TMEM132D: variants seen among roughly 807,000 people sequenced by gnomAD.
TMEM132D encodes mature OL transmembrane protein.
TMEM132D carries 21 observed loss-of-function variants against 62.3 expected under a neutral mutation model. The observed-to-expected ratio is 0.34, with a 90% CI of 0.24 to 0.49. The LOEUF (loss-of-function observed/expected upper bound fraction) is 0.49. TMEM132D is among the 20% of genes least tolerant of loss of function. The pLI, the probability that TMEM132D is intolerant of heterozygous loss-of-function variation, is 0.99. For missense variants in TMEM132D, 1,346 were observed against 1,402.8 expected, an observed-to-expected ratio of 0.96 and a Z score of 0.65; for synonymous variants, 621 against 575.6, an observed-to-expected ratio of 1.08 and a Z score of -1.13.
In TMEM132D at chr12:129,315,538, C is replaced by T. The variant is rs538235169; in HGVS notation, c.1299+22096G>A. Among the ~76,000 whole-genome samples, 8 of 152,218 alleles carry T rather than the reference C, an allele frequency of 5.3e-5. No homozygotes were observed. In the South Asian group the frequency reaches 1.2e-3, roughly 24 times the overall value. ...TATCTTTTCGATATGTTTTTGGATACGGTTAACTAGTATTTTGTTAAGGAT... is the reference window on the plus strand; with the variant it reads ...TATCTTTTCGATATGTTTTTGGATATGGTTAACTAGTATTTTGTTAAGGAT... On this transcript the variant is annotated intron_variant, in intron 4 of 8. Coordinates refer to ENST00000422113, the MANE Select transcript of TMEM132D (RefSeq NM_133448.3).
intron 5 of TMEM132D, among the ~76,000 whole-genome samples, chr12:129,158,792 A>C (rs1272587259): frequency 6.6e-6 from 1 of 152,220 alleles, no homozygotes; most frequent in Non-Finnish European, 1.5e-5. Context: ...ACTGCCTGAC[A>C]CTGGGTAATT....
At chr12:129,104,273 C>T (rs1239775460) in intron 5 of TMEM132D, among the ~76,000 whole-genome samples, 5 of 151,446 alleles carry the variant, frequency 3.3e-5, no homozygotes, top group Admixed American at 6.6e-5. Context: ...ACAAACCTGA[C>T]AAAAACAAGC....
chr12:129,399,906 T>C (rs1871568613), intron 3 of TMEM132D, among the ~76,000 whole-genome samples: 2 of 151,926 alleles, frequency 1.3e-5, no homozygotes, highest in Admixed American at 1.3e-4. Context: ...GGGGGGTATA[T>C]ACATTTTTCA....
intron 3 of TMEM132D, among the ~76,000 whole-genome samples, chr12:129,350,559 G>T (rs1869830986): frequency 1.3e-5 from 2 of 152,178 alleles, no homozygotes; most frequent in Admixed American, 1.3e-4. Context: ...TAAATACATG[G>T]ATTTGTATTC....
chr12:129,570,111 A>G (rs1429660573), intron 2 of TMEM132D, among the ~76,000 whole-genome samples: 1 of 152,204 alleles, frequency 6.6e-6, no homozygotes, highest in African/African-American at 2.4e-5. Flanking sequence ...GGTACGATAC[A>G]AGAGTCTGGA....
intron 4 of TMEM132D, among the ~76,000 whole-genome samples, chr12:129,300,398 T>A (rs1400150978): frequency 6.6e-6 from 1 of 152,214 alleles, no homozygotes; most frequent in Non-Finnish European, 1.5e-5. Context: ...GATGAAGAAA[T>A]GTGACGATGA....
intron 2 of TMEM132D, among the ~76,000 whole-genome samples, chr12:129,666,475 G>C (rs1880381994): frequency 6.6e-6 from 1 of 152,154 alleles, no homozygotes; most frequent in Non-Finnish European, 1.5e-5. Flanking sequence ...AAGATTATTG[G>C]TAAAATAAAA....
At chr12:129,548,481 C>G (rs1186764189) in intron 2 of TMEM132D, among the ~76,000 whole-genome samples, 3 of 152,244 alleles carry the variant, frequency 2.0e-5, no homozygotes, top group African/African-American at 4.8e-5. Context: ...AGATCCCTCT[C>G]TCAGTCACGC....
chr12:129,129,014 G>A (rs770356138), intron 5 of TMEM132D, among the ~76,000 whole-genome samples: 1 of 151,984 alleles, frequency 6.6e-6, no homozygotes, highest in Admixed American at 6.6e-5. Flanking sequence ...CAGATGCAGG[G>A]GATACATGTA....
At chr12:129,584,430 A>G (rs1386183792) in intron 2 of TMEM132D, among the ~76,000 whole-genome samples, 1 of 152,162 alleles carries the variant, frequency 6.6e-6, no homozygotes, top group Non-Finnish European at 1.5e-5. Flanking sequence ...CACTTTCACG[A>G]CCTTCGAGCA....
At chr12:129,877,783 A>G (rs1465529103) in intron 1 of TMEM132D, among the ~76,000 whole-genome samples, 1 of 152,182 alleles carries the variant, frequency 6.6e-6, no homozygotes, top group Non-Finnish European at 1.5e-5. Flanking sequence ...TCTTCCAGTC[A>G]TGCCAGGATA....
intron 1 of TMEM132D, among the ~76,000 whole-genome samples, chr12:129,800,512 T>C (rs1289076070): frequency 1.3e-5 from 2 of 152,110 alleles, no homozygotes; most frequent in South Asian, 2.1e-4. Context: ...ATATTGAATA[T>C]GTAATTGTGT....
chr12:129,615,578 C>T (rs1302766614), intron 2 of TMEM132D, among the ~76,000 whole-genome samples: 2 of 146,140 alleles, frequency 1.4e-5, no homozygotes, highest in Non-Finnish European at 3.0e-5. Flanking sequence ...TAGTGAGACC[C>T]CATCTCAAAA....
At chr12:129,350,372 C>T (rs1389878706) in intron 3 of TMEM132D, among the ~76,000 whole-genome samples, 1 of 152,086 alleles carries the variant, frequency 6.6e-6, no homozygotes, top group Non-Finnish European at 1.5e-5. Flanking sequence ...TCCATAGTAC[C>T]CCAACTGCAG....
intron 2 of TMEM132D, among the ~76,000 whole-genome samples, chr12:129,537,775 A>G (rs1398709998): frequency 6.6e-6 from 1 of 152,242 alleles, no homozygotes; most frequent in Admixed American, 6.5e-5. Flanking sequence ...CCCACAGGGA[A>G]AAGCCAAGAA....
At chr12:129,800,773 C>T (rs950150934) in intron 1 of TMEM132D, among the ~76,000 whole-genome samples, 6 of 152,058 alleles carry the variant, frequency 3.9e-5, no homozygotes, top group South Asian at 2.1e-4. Context: ...ACGCAGAAGA[C>T]GGGTGATTTC....
chr12:129,304,754 C>T (rs966895390), intron 4 of TMEM132D, among the ~76,000 whole-genome samples: 7 of 148,090 alleles, frequency 4.7e-5, no homozygotes, highest in Non-Finnish European at 8.9e-5. Flanking sequence ...ATCTCCGCTT[C>T]CCAGGTTCAA....
rs537648669 is a variant in TMEM132D at position 129,837,012 on chromosome 12, G to GAA, written c.79+66248_79+66249insTT. ...AAAAGAAATCTATTCTTAACCTACA[G>GAA]GAGAAAGGAATTAGGTTCAAAGACA... On this transcript the variant is annotated intron_variant, in intron 1 of 8. Transcript: ENST00000422113. 2.2e-3 allele frequency among the ~76,000 whole-genome samples: 335 copies of GAA among 152,300 alleles called. 2 individuals carry two copies. Among genetic ancestry groups the GAA allele is most frequent in the African/African-American group, 7.8e-3 (325 of 41,572 alleles).
chr12:129,218,859 C>T (rs1879278483), intron 4 of TMEM132D, among the ~76,000 whole-genome samples: 1 of 152,128 alleles, frequency 6.6e-6, no homozygotes, highest in Non-Finnish European at 1.5e-5. Context: ...CAGCAGGAGA[C>T]AGTGACAGGG....
Sources: gnomAD v4.1 joint callset for allele counts (sites outside exome capture counted in the v4.1 genomes callset) on GRCh38, gnomAD v4.1.1 for gene constraint, MANE v1.5 for transcripts, NCBI Gene and HGNC (gene_info 2026-07-23, HGNC 2026-07-21) for gene names.